The following TXNRD1 variants were observed in gnomAD, a reference collection of about 807,000 sequenced individuals.
The protein encoded by TXNRD1 is thioredoxin reductase 1, cytoplasmic.
Under a neutral mutation model 80.3 loss-of-function variants are expected in TXNRD1, and 57 were observed. The observed-to-expected ratio is 0.71, with a 90% CI of 0.57 to 0.89. The LOEUF (loss-of-function observed/expected upper bound fraction) is 0.89, where lower values mean the gene tolerates loss of function less well. Among genes scored for constraint, TXNRD1 ranks in the 40% least tolerant of loss-of-function variants. TXNRD1 has a pLI of 0.00. For synonymous variants in TXNRD1, 291 were observed against 285.2 expected (o/e 1.02, Z -0.20); for missense variants, 730 against 803.0 (o/e 0.91, Z 1.10).
At chr12:104,292,923 C>G (rs1473422859) in intron 4 of TXNRD1, among the ~76,000 whole-genome samples, 1 of 152,126 alleles carries the variant, frequency 6.6e-6, no homozygotes, top group Non-Finnish European at 1.5e-5. Flanking sequence ...TTTTGTTGAA[C>G]ACTTTAACAA....
intron 3 of TXNRD1, among the ~76,000 whole-genome samples, chr12:104,277,518 G>T (rs2033781618): frequency 6.6e-6 from 1 of 152,064 alleles, no homozygotes; most frequent in Non-Finnish European, 1.5e-5. Context: ...AGCTATGATT[G>T]TGCCACTGCA....
chr12:104,265,855 C>T (rs533942308), intron 3 of TXNRD1: 2 of 1,343,058 alleles, frequency 1.5e-6, no homozygotes, highest in East Asian at 4.9e-5. Flanking sequence ...GGGCCCTCGT[C>T]CGGGTGTGCC....
Position 104,277,354 on chromosome 12 carries a change from C to A in TXNRD1, c.305-11577C>A, listed in dbSNP as rs374156976. 3.7e-4 allele frequency among the ~76,000 whole-genome samples: 55 copies of A among 150,146 alleles called. No homozygotes were observed. The South Asian group carries it at 9.7e-3, about 27-fold the overall frequency. On this transcript the variant is annotated intron_variant, in intron 3 of 16. Coordinates refer to ENST00000525566, the MANE Select transcript of TXNRD1 (RefSeq NM_001093771.3). ...GGCGGAGCTTGCAGTGAGCTGAGAT[C>A]GCGCCACTGCACTCCAGCCTGGGCA...
chr12:104,246,119 CAAAAA>C (rs34505052), intron 1 of TXNRD1, among the ~76,000 whole-genome samples: 2 of 82,852 alleles, frequency 2.4e-5, no homozygotes, highest in South Asian at 4.5e-4. Flanking sequence ...GACTCTGTCT[CAAAAA>C]AAAAAAAAAA....
intron 1 of TXNRD1, among the ~76,000 whole-genome samples, chr12:104,238,986 A>G (rs1264078901): frequency 6.6e-6 from 1 of 151,938 alleles, no homozygotes; most frequent in Non-Finnish European, 1.5e-5. Flanking sequence ...AGCTGGGATT[A>G]CAGATGCCCG....
chr12:104,250,384 GAA>G (rs2135703212), intron 1 of TXNRD1, among the ~76,000 whole-genome samples: 1 of 152,178 alleles, frequency 6.6e-6, no homozygotes, highest in South Asian at 2.1e-4. Flanking sequence ...AAGCAAAAAA[GAA>G]AAAGATAAAT....
chr12:104,284,056 C>G (rs919971283), intron 3 of TXNRD1, among the ~76,000 whole-genome samples: 1 of 152,058 alleles, frequency 6.6e-6, no homozygotes, highest in East Asian at 1.9e-4. Flanking sequence ...CTGATTGATG[C>G]TATTTTCTTA....
chr12:104,219,777 A>T (rs2032307721), intron 1 of TXNRD1, among the ~76,000 whole-genome samples: 1 of 151,548 alleles, frequency 6.6e-6, no homozygotes, highest in African/African-American at 2.4e-5. Context: ...ATATGGCAAA[A>T]GGCAATTTTT....
intron 1 of TXNRD1, among the ~76,000 whole-genome samples, chr12:104,239,066 G>A (rs2032801778): frequency 1.3e-5 from 2 of 152,070 alleles, no homozygotes; most frequent in South Asian, 2.1e-4. Flanking sequence ...CTCATAGAAT[G>A]AATTGGAAAG....
intron 1 of TXNRD1, among the ~76,000 whole-genome samples, chr12:104,220,898 A>T (rs1438410224): frequency 2.0e-5 from 3 of 152,228 alleles, no homozygotes; most frequent in African/African-American, 7.2e-5. Flanking sequence ...AGCTCTGAGC[A>T]TTACTTTGCT....
At chr12:104,336,913 C>CTGGGCAAGAAGAGCAATACTCCATCTCA (rs1555218527) in intron 15 of TXNRD1, among the ~76,000 whole-genome samples, 1 of 152,122 alleles carries the variant, frequency 6.6e-6, no homozygotes, top group African/African-American at 2.4e-5. Flanking sequence ...TATTCTCACA[C>CTGGGCAAGAAGAGCAATACTCCATCTCA]AATGTAGATA....
chr12:104,256,257 A>G (rs144786640), intron 2 of TXNRD1, among the ~76,000 whole-genome samples: 195 of 152,368 alleles, frequency 1.3e-3, no homozygotes, highest in Middle Eastern at 3.4e-3. Flanking sequence ...GGAAGTGCCC[A>G]TAAGGAAACT....
At position 104,311,378 on chromosome 12, in the gene TXNRD1, T is replaced by C. The variant is rs367795908; in HGVS notation, c.503T>C (p.Ile168Thr). 27 of 1,613,640 alleles carry C rather than the reference T, an allele frequency of 1.7e-5. No homozygotes were observed. The highest frequency in any genetic ancestry group is 2.2e-5 in the South Asian group (2 of 91,016). Residue 168 changes from isoleucine (I) to threonine (T), a missense_variant, in exon 5 of 17, where the codon ATT becomes ACT. By Grantham distance (89) the Ile-to-Thr change is moderately conservative. Transcript: ENST00000525566. ...TCCTATGACTATGACCTTATCATCA[T>C]TGGAGGTGGCTCAGGAGGTCTGGCA... is the stretch of plus-strand genomic sequence containing the variant. ...PKSYDYDLII[I>T]GGGSGGLAAA... is the part of the protein sequence containing the mutation.
At position 104,311,368 on chromosome 12, in the gene TXNRD1, C is replaced by A. The variant is rs2035126501; in HGVS notation, c.493C>A (p.Leu165Ile). The A allele has an allele frequency of 1.2e-6, 2 of 1,613,542 alleles. No homozygotes were observed. Residue 165 changes from leucine to isoleucine, a missense_variant, in exon 5 of 17, where the codon CTT becomes ATT. Physicochemically the swap from Leu to Ile is conservative, Grantham distance 5. Transcript: ENST00000525566. ...TCTTCCCAAGTCCTATGACTATGACCTTATCATCATTGGAGGTGGCTCAGG... is the reference window on the plus strand; with the variant it reads ...TCTTCCCAAGTCCTATGACTATGACATTATCATCATTGGAGGTGGCTCAGG... ...EDLPKSYDYD[L>I]IIIGGGSGGL... is the part of the protein sequence containing the mutation.
intron 1 of TXNRD1, among the ~76,000 whole-genome samples, chr12:104,249,433 C>T (rs991644630): frequency 1.3e-5 from 2 of 152,098 alleles, no homozygotes; most frequent in Non-Finnish European, 2.9e-5. Flanking sequence ...TTCTATGTTC[C>T]TCTTCACTTT....
chr12:104,331,954 GA>G (rs1360687420), intron 14 of TXNRD1, among the ~76,000 whole-genome samples: 2 of 152,014 alleles, frequency 1.3e-5, no homozygotes, highest in African/African-American at 4.8e-5. Context: ...CCACTTTCAG[GA>G]AATTTGGTAT....
intron 4 of TXNRD1, chr12:104,303,847 G>A: frequency 6.9e-7 from 1 of 1,442,668 alleles, no homozygotes; most frequent in Non-Finnish European, 9.1e-7. Context: ...CTTCCCGGAA[G>A]GGAGACGAAG....
chr12:104,250,022 G>A (rs1399963309), intron 1 of TXNRD1, among the ~76,000 whole-genome samples: 2 of 151,424 alleles, frequency 1.3e-5, no homozygotes, highest in South Asian at 2.1e-4. Flanking sequence ...TGGGGATTTA[G>A]CTGATTTTAT....
intron 3 of TXNRD1, 119 bp downstream of exon 3, chr12:104,258,198 C>G: frequency 1.4e-6 from 1 of 731,004 alleles, no homozygotes; most frequent in South Asian, 1.8e-5. Context: ...CACTTGCTAG[C>G]TGATTCTTCT....
Sources: allele counts gnomAD v4.1 joint callset (sites outside exome capture counted in the v4.1 genomes callset), GRCh38; gene constraint gnomAD v4.1.1; transcripts MANE v1.5; gene names NCBI Gene and HGNC (gene_info 2026-07-23, HGNC 2026-07-21).